Variants in ALOX15 observed in about 807,000 individuals in gnomAD.
The protein encoded by ALOX15 is arachidonate 15-lipoxygenase, also known as polyunsaturated fatty acid lipoxygenase ALOX15.
A neutral mutation model predicts 71.7 loss-of-function variants in ALOX15; 68 were observed. The ratio of observed to expected loss-of-function variants is 0.95; its 90% CI spans 0.78 to 1.16. The LOEUF (loss-of-function observed/expected upper bound fraction) is 1.16. ALOX15 is among the 50% of genes most tolerant of loss of function. ALOX15 has a pLI of 0.00. For synonymous variants in ALOX15, 346 were observed against 333.3 expected (o/e 1.04, Z -0.42); for missense variants, 798 against 818.8 (o/e 0.97, Z 0.31).
chr17:4,631,827 TG>T (rs1221005669), intron 13 of ALOX15, 48 bp from the exon 14 acceptor site: 1 of 1,610,662 alleles, frequency 6.2e-7, no homozygotes, highest in East Asian at 2.2e-5. Flanking sequence ...ACCCCCAGTC[TG>T]GGATGCCACA....
At chr17:4,632,765 G>A in intron 11 of ALOX15, 96 bp downstream of exon 11, 1 of 1,580,894 alleles carries the variant, frequency 6.3e-7, no homozygotes, top group South Asian at 1.1e-5. Flanking sequence ...CATAGGTGTT[G>A]AAAATGCTTC....
rs1349452458 is a variant in ALOX15, at chr17:4,631,577, A to G, written c.*23T>C. On this transcript the variant is annotated 3_prime_UTR_variant, in exon 14 of 14. Coordinates refer to ENST00000293761, the MANE Select transcript of ALOX15 (RefSeq NM_001140.5). The stretch of plus-strand genomic sequence containing the variant: ...CTTGTGGCTTGGGTGATGGGGGCTG[A>G]AATAACCAAAGGGTGGCGACGCTTA... 6.2e-7 allele frequency: 1 copy of G among 1,611,002 alleles called. No individual in the cohort carries two copies. The highest frequency in any genetic ancestry group is 8.5e-7 in the Non-Finnish European group (1 of 1,179,618).
chr17:4,639,236 C>G, intron 2 of ALOX15, 104 bp from the exon 3 acceptor site: 2 of 1,436,264 alleles, frequency 1.4e-6, no homozygotes, highest in Non-Finnish European at 1.9e-6. Flanking sequence ...GGCCTCTGCC[C>G]CTTCAGCATC....
chr17:4,637,136 T>C lies in ALOX15; in HGVS notation c.930A>G (p.Lys310=). The part of the protein sequence containing the change: ...LVMLKLQPDG[K]LLPMVIQLQL... ...TCACCTGGATGACCATGGGCAAGAG[T>C]TTCCCATCAGGCTGCAATTTCAGCA... The change falls in exon 7 of 14, where the codon AAA becomes AAG. Residue 310 remains lysine (K), a synonymous_variant. Coordinates refer to ENST00000293761, the MANE Select transcript of ALOX15 (RefSeq NM_001140.5). The C allele has an allele frequency of 3.1e-6, 5 of 1,612,690 alleles. No individual in the cohort carries two copies. The South Asian group carries it at 3.3e-5, about 11-fold the overall frequency.
In ALOX15 at chr17:4,635,767, T is replaced by C. The variant is rs1396466300; in HGVS notation, c.1153A>G (p.Ile385Val). The change falls in exon 8 of 14, where the codon ATC (isoleucine) becomes GTC (valine). Residue 385 changes from isoleucine to valine, a missense_variant. Around this residue, in one of 3 missense-constraint regions of ALOX15, gnomAD observed 490 missense variants for 509.4 expected, o/e 0.96. Transcript: ENST00000293761. ...AGGGGATAAGGAGTTACCTTGAAGA[T>C]AGGATGTATCGACGGCAGGCACCTC... is the stretch of plus-strand genomic sequence containing the variant. The part of the protein sequence containing the change: ...TMRCLPSIHP[I>V]FKLIIPHLRY... The C allele has an allele frequency of 4.6e-5, 75 of 1,613,954 alleles. No individual in the cohort carries two copies. Among genetic ancestry groups the C allele is most frequent in the Non-Finnish European group, 6.2e-5 (73 of 1,180,014 alleles).
intron 7 of ALOX15, 92 bp downstream of exon 7, chr17:4,637,023 T>C (rs1911122117): frequency 3.4e-6 from 5 of 1,482,898 alleles, no homozygotes; most frequent in Non-Finnish European, 3.7e-6. Flanking sequence ...CTTAGCCCAG[T>C]GCCTTTGCAG....
intron 1 of ALOX15, among the ~76,000 whole-genome samples, chr17:4,640,798 C>A (rs1219384807): frequency 6.6e-6 from 1 of 150,742 alleles, no homozygotes; most frequent in Non-Finnish European, 1.5e-5. Context: ...CTGACTGCGC[C>A]GGATTCTTGT....
intron 7 of ALOX15, 43 bp from the exon 8 acceptor site, chr17:4,636,011 G>A: frequency 1.3e-6 from 2 of 1,590,404 alleles, no homozygotes; most frequent in African/African-American, 1.3e-5. Context: ...ATGAGTGCCA[G>A]GCACTCAGCG....
rs868440427 is a variant in ALOX15 at position 4,633,504 on chromosome 17, G to A, written c.1162-4C>T. The A allele has an allele frequency of 1.9e-6, 3 of 1,613,024 alleles. No homozygotes were observed. Among genetic ancestry groups the A allele is most frequent in the East Asian group, 2.2e-5 (1 of 44,886 alleles). ...ATCGCAGGTGGGGAATTATAAGCTA[G>A]AGGGAGAAACACAGGGAAGGGCAGA... On this transcript the variant is annotated splice_polypyrimidine_tract_variant and splice_region_variant and intron_variant, in intron 8 of 13. Coordinates refer to ENST00000293761, the MANE Select transcript of ALOX15 (RefSeq NM_001140.5).
chr17:4,633,068 C>G lies in ALOX15; in HGVS notation c.1418+78G>C, dbSNP rs2150534971. The G allele has an allele frequency of 1.9e-6, 3 of 1,609,716 alleles. No homozygotes were observed. The South Asian group carries it at 3.3e-5, about 18-fold the overall frequency. On this transcript the variant is annotated intron_variant, in intron 10 of 13. Transcript: ENST00000293761. ...CAGGTCAGGGCCCCAGGCCCCCAAC[C>G]AGACGCAGACCTCCTGCTCTCCTAC...
Position 4,632,907 on chromosome 17 carries a change from C to A in ALOX15, c.1494G>T (p.Trp498Cys). Residue 498 changes from tryptophan (W) to cysteine (C), a missense_variant, in exon 11 of 14, where the codon TGG becomes TGT. Trp to Cys is a radical substitution (Grantham distance 215). Coordinates refer to ENST00000293761, the MANE Select transcript of ALOX15 (RefSeq NM_001140.5). The part of the protein sequence containing the change: ...AVKDDPELQT[W>C]CREITEIGLQ... ...GCCCGATTTCAGTGATCTCTCGACA[C>A]CAGGTCTGCAGCTCTGGGTCGTCTT... 6.2e-7 allele frequency: 1 copy of A among 1,614,156 alleles called. No individual in the cohort carries two copies. The highest frequency in any genetic ancestry group is 8.5e-7 in the Non-Finnish European group (1 of 1,180,014).
At chr17:4,639,203 C>T (rs543262032) in intron 2 of ALOX15, 71 bp from the exon 3 acceptor site, 2 of 1,569,242 alleles carry the variant, frequency 1.3e-6, no homozygotes, top group East Asian at 4.5e-5. Context: ...CCAGGAGAGC[C>T]TCAGCACCCC....
At chr17:4,636,061 T>G in intron 7 of ALOX15, 93 bp from the exon 8 acceptor site, 1 of 1,343,440 alleles carries the variant, frequency 7.4e-7, no homozygotes, top group Non-Finnish European at 1.0e-6. Context: ...CCCTTCGTCC[T>G]CCAAACCTGT....
chr17:4,638,476 C>T lies in ALOX15; in HGVS notation c.647-99G>A, dbSNP rs1222858074. 5 of 1,120,812 alleles carry T rather than the reference C, an allele frequency of 4.5e-6. No individual in the cohort carries two copies. The African/African-American group carries it at 7.4e-5, about 17-fold the overall frequency. The allele number at this position is 1,120,812 out of a possible 1,614,324, so 69.4% of individuals were successfully genotyped here. A position where few individuals can be genotyped will look rare whatever the true frequency, so the allele number is the denominator to read the frequency against. ...CTTGACTCCAGCCCACCAGAGGGAC[C>T]CAAGTCTCTGGTCTCCCCACCCTGC... is the stretch of plus-strand genomic sequence containing the variant. On this transcript the variant is annotated intron_variant, in intron 5 of 13. Transcript: ENST00000293761.
rs1388958854 is a variant in ALOX15 at position 4,641,286 on chromosome 17, C to T, written c.135+231G>A. 3.9e-5 allele frequency among the ~76,000 whole-genome samples: 6 copies of T among 152,074 alleles called. 1 individual carries two copies. In the East Asian group the frequency reaches 1.2e-3, roughly 30 times the overall value. On this transcript the variant is annotated intron_variant, in intron 1 of 13. Coordinates refer to ENST00000293761, the MANE Select transcript of ALOX15 (RefSeq NM_001140.5). ...CAATGAGGGGCGCACAGGAGCATGCCCTCAATTCCAAGGAGATCGGGTAGC... is the reference window on the plus strand; with the variant it reads ...CAATGAGGGGCGCACAGGAGCATGCTCTCAATTCCAAGGAGATCGGGTAGC...
At chr17:4,640,863 G>A (rs1911298006) in intron 1 of ALOX15, among the ~76,000 whole-genome samples, 2 of 150,844 alleles carry the variant, frequency 1.3e-5, no homozygotes, top group African/African-American at 4.9e-5. Flanking sequence ...GGAGGCAGGA[G>A]GAGAGGGCTG....
At position 4,631,304 on chromosome 17, in the gene ALOX15, T is replaced by G; in HGVS notation, c.*296A>C. The G allele has an allele frequency of 2.4e-6, 1 of 417,290 alleles. No individual in the cohort carries two copies. The highest frequency in any genetic ancestry group is 4.3e-6 in the Non-Finnish European group (1 of 232,160). 25.8% of individuals were successfully genotyped at this position (417,290 alleles called of 1,614,324 possible). A position where few individuals can be genotyped will look rare whatever the true frequency, so the allele number is the denominator to read the frequency against. On this transcript the variant is annotated 3_prime_UTR_variant, in exon 14 of 14. Transcript: ENST00000293761. ...TATGTATTATATCCCCCTATTCTAG[T>G]CTTGAAATGATTTATATAATTGTGG...
chr17:4,635,735 A>G, intron 8 of ALOX15, 24 bp downstream of exon 8: 1 of 1,612,584 alleles, frequency 6.2e-7, no homozygotes, highest in Non-Finnish European at 8.5e-7. Flanking sequence ...GTGGCAGGCA[A>G]GAGAGAAGGG....
intron 8 of ALOX15, among the ~76,000 whole-genome samples, chr17:4,634,280 T>G (rs1208051033): frequency 6.6e-6 from 1 of 152,226 alleles, no homozygotes; most frequent in Non-Finnish European, 1.5e-5. Flanking sequence ...TGCTTTATGA[T>G]AATTGAAAGA....
Sources: gnomAD v4.1 joint callset for allele counts (sites outside exome capture counted in the v4.1 genomes callset) on GRCh38, gnomAD v4.1.1 for gene constraint, gnomAD v4.1.1 regional missense constraint, MANE v1.5 for transcripts, NCBI Gene and HGNC (gene_info 2026-07-23, HGNC 2026-07-21) for gene names.